CHSY3: variants seen among roughly 807,000 people sequenced by gnomAD.
The protein encoded by CHSY3 is N-acetylgalactosaminyl-proteoglycan 3-beta-glucuronosyltransferase 3.
In CHSY3, 35 loss-of-function variants were observed where a neutral mutation model predicts 67.2. That is an observed-to-expected ratio of 0.52 (90% CI 0.40 to 0.69). The LOEUF is 0.69. Ranked by LOEUF, CHSY3 falls within the 30% of genes least tolerant of loss-of-function variation. The probability of loss-of-function intolerance (pLI) is 0.00; values close to 1 mark genes in which losing one functional copy is unlikely to be tolerated. For missense variants in CHSY3, 1,069 were observed against 1,138.5 expected, an observed-to-expected ratio of 0.94 and a Z score of 0.88; for synonymous variants, 474 against 434.7, an observed-to-expected ratio of 1.09 and a Z score of -1.12.
rs190331932 is a variant in CHSY3 at position 130,046,436 on chromosome 5, G to A, written c.1087-137793G>A. 7.2e-5 allele frequency among the ~76,000 whole-genome samples: 11 copies of A among 152,186 alleles called. No individual in the cohort carries two copies. In the East Asian group the frequency reaches 1.9e-3, roughly 27 times the overall value. ...TGCTTCAAAATTAAATTTTCACCAT[G>A]GTTTGGGTTTGACCTTAAATTTGTA... On this transcript the variant is annotated intron_variant, in intron 2 of 2. Transcript: ENST00000305031.
At chr5:129,936,082 C>T (rs1332295794) in intron 2 of CHSY3, among the ~76,000 whole-genome samples, 1 of 152,158 alleles carries the variant, frequency 6.6e-6, no homozygotes, top group Non-Finnish European at 1.5e-5. Flanking sequence ...AATTAATACA[C>T]ATGTCCTTAT....
Position 130,151,769 on chromosome 5 carries a change from C to T in CHSY3, c.1087-32460C>T, listed in dbSNP as rs576449393. On this transcript the variant is annotated intron_variant, in intron 2 of 2. Coordinates refer to ENST00000305031, the MANE Select transcript of CHSY3 (RefSeq NM_175856.5). ...ATCATGAGAACATCATGGGGGTAACCGCCCCCATGATTCAGTTACCTCCTA... is the reference window on the plus strand; with the variant it reads ...ATCATGAGAACATCATGGGGGTAACTGCCCCCATGATTCAGTTACCTCCTA... Among the ~76,000 whole-genome samples, 8 of 152,138 alleles carry T rather than the reference C, an allele frequency of 5.3e-5. No individual in the cohort carries two copies. The South Asian group carries it at 1.0e-3, about 20-fold the overall frequency.
chr5:130,183,343 T>C (rs891913713), intron 2 of CHSY3, among the ~76,000 whole-genome samples: 3 of 152,182 alleles, frequency 2.0e-5, no homozygotes, highest in Non-Finnish European at 4.4e-5. Context: ...CTATTTTGGG[T>C]ATGATACTTT....
intron 2 of CHSY3, among the ~76,000 whole-genome samples, chr5:129,994,058 A>G (rs145504406): frequency 0.024 from 3,586 of 152,188 alleles, 127 homozygotes; most frequent in African/African-American, 0.079. Flanking sequence ...CTTCTGGCTT[A>G]TAGAGTTTCT....
chr5:130,031,402 A>G (rs1380099106), intron 2 of CHSY3, among the ~76,000 whole-genome samples: 2 of 152,146 alleles, frequency 1.3e-5, no homozygotes, highest in Non-Finnish European at 2.9e-5. Flanking sequence ...CAACATTATT[A>G]TCTCACTGTG....
At chr5:130,149,739 A>T (rs546651217) in intron 2 of CHSY3, among the ~76,000 whole-genome samples, 1 of 152,356 alleles carries the variant, frequency 6.6e-6, no homozygotes, top group South Asian at 2.1e-4. Context: ...ATTCTGGTAT[A>T]ACAAGGGTCA....
At chr5:129,982,531 C>A (rs1307943462) in intron 2 of CHSY3, among the ~76,000 whole-genome samples, 1 of 151,792 alleles carries the variant, frequency 6.6e-6, no homozygotes, top group African/African-American at 2.4e-5. Context: ...ATTGTTAGTT[C>A]AGCATATAAT....
chr5:130,027,566 C>T (rs990003448), intron 2 of CHSY3, among the ~76,000 whole-genome samples: 8 of 151,960 alleles, frequency 5.3e-5, no homozygotes, highest in Non-Finnish European at 1.2e-4. Context: ...TGGTGTGCTG[C>T]ACCCATTAAC....
At chr5:129,929,783 T>C (rs566650364) in intron 2 of CHSY3, among the ~76,000 whole-genome samples, 1 of 152,322 alleles carries the variant, frequency 6.6e-6, no homozygotes, top group Non-Finnish European at 1.5e-5. Flanking sequence ...AGTAAATCCT[T>C]GTGAAAATCT....
Position 130,178,253 on chromosome 5 carries a change from A to ATATATTTTTTTTTT in CHSY3, c.1087-5975_1087-5974insATATTTTTTTTTTT, listed in dbSNP as rs1205782386. On this transcript the variant is annotated intron_variant, in intron 2 of 2. Coordinates refer to ENST00000305031, the MANE Select transcript of CHSY3 (RefSeq NM_175856.5). The stretch of plus-strand genomic sequence containing the variant: ...TATATATATATATATATATATATAT[A>ATATATTTTTTTTTT]TTTTTTTTTTTTTTTTTCCTGAGAC... Among the ~76,000 whole-genome samples, 3 of 45,912 alleles carry ATATATTTTTTTTTT rather than the reference A, an allele frequency of 6.5e-5. No individual in the cohort carries two copies. In the South Asian group the frequency reaches 2.9e-3, roughly 44 times the overall value. The allele number at this position is 45,912 out of a possible 152,430, so 30.1% of individuals were successfully genotyped here.
At chr5:129,995,130 C>A (rs1763497048) in intron 2 of CHSY3, among the ~76,000 whole-genome samples, 1 of 152,080 alleles carries the variant, frequency 6.6e-6, no homozygotes, top group Admixed American at 6.6e-5. Flanking sequence ...GTTTTATCCA[C>A]CCTAGTGATG....
At chr5:130,145,611 T>A (rs914149940) in intron 2 of CHSY3, among the ~76,000 whole-genome samples, 2 of 151,964 alleles carry the variant, frequency 1.3e-5, no homozygotes, top group African/African-American at 2.4e-5. Context: ...TGAGATTACA[T>A]CAAACTAAAA....
chr5:129,982,747 T>C (rs1423062769), intron 2 of CHSY3, among the ~76,000 whole-genome samples: 1 of 152,054 alleles, frequency 6.6e-6, no homozygotes, highest in African/African-American at 2.4e-5. Context: ...ATAGAAGTTA[T>C]ATAAACACTG....
At chr5:130,112,188 T>C (rs887055757) in intron 2 of CHSY3, among the ~76,000 whole-genome samples, 1 of 152,146 alleles carries the variant, frequency 6.6e-6, no homozygotes, top group East Asian at 1.9e-4. Context: ...AACAACTTGT[T>C]GTTCTCATGA....
chr5:130,107,142 G>A (rs1159899552), intron 2 of CHSY3, among the ~76,000 whole-genome samples: 1 of 151,138 alleles, frequency 6.6e-6, no homozygotes, highest in African/African-American at 2.4e-5. Flanking sequence ...CAGTTAATGT[G>A]CTTTTCAAAG....
At chr5:130,080,365 G>C (rs1313262367) in intron 2 of CHSY3, among the ~76,000 whole-genome samples, 1 of 151,956 alleles carries the variant, frequency 6.6e-6, no homozygotes, top group Non-Finnish European at 1.5e-5. Flanking sequence ...ATTGATTGTA[G>C]CATTGGTTTA....
chr5:129,987,394 T>C (rs1444389760), intron 2 of CHSY3, among the ~76,000 whole-genome samples: 1 of 152,216 alleles, frequency 6.6e-6, no homozygotes, highest in Admixed American at 6.5e-5. Context: ...AGGTACAAAA[T>C]GTTTATTATG....
intron 2 of CHSY3, among the ~76,000 whole-genome samples, chr5:129,956,061 G>A (rs1050969444): frequency 3.3e-5 from 5 of 152,104 alleles, no homozygotes; most frequent in Admixed American, 3.3e-4. Context: ...TAATGGGATT[G>A]CTGGGTTGAA....
chr5:129,967,761 C>G (rs1762511520), intron 2 of CHSY3, among the ~76,000 whole-genome samples: 1 of 151,724 alleles, frequency 6.6e-6, no homozygotes, highest in Non-Finnish European at 1.5e-5. Context: ...TGACCATGTC[C>G]ACAGACAGTA....
Sources: allele counts gnomAD v4.1 joint callset (sites outside exome capture counted in the v4.1 genomes callset), GRCh38; gene constraint gnomAD v4.1.1; transcripts MANE v1.5; gene names NCBI Gene and HGNC (gene_info 2026-07-23, HGNC 2026-07-21).